The following LRMDA variants were observed in gnomAD, a reference collection of about 807,000 sequenced individuals.
LRMDA encodes leucine rich melanocyte differentiation associated.
Under a neutral mutation model 29.8 loss-of-function variants are expected in LRMDA, and 18 were observed. The observed-to-expected ratio is 0.60, with a 90% CI of 0.42 to 0.90. LRMDA has a LOEUF of 0.90. Among genes scored for constraint, LRMDA ranks in the 40% least tolerant of loss-of-function variants. The pLI is 0.00. For synonymous variants in LRMDA, 125 were observed against 109.4 expected (o/e 1.14, Z -0.89); for missense variants, 273 against 273.9 (o/e 1.00, Z 0.02).
At chr10:76,315,551 C>T (rs949758975) in intron 5 of LRMDA, among the ~76,000 whole-genome samples, 1 of 152,234 alleles carries the variant, frequency 6.6e-6, no homozygotes, top group Non-Finnish European at 1.5e-5. Flanking sequence ...AGCACTCACA[C>T]GCTAGCGCCC....
intron 4 of LRMDA, among the ~76,000 whole-genome samples, chr10:76,049,751 C>CT (rs1199910617): frequency 2.0e-5 from 3 of 151,906 alleles, no homozygotes; most frequent in Non-Finnish European, 4.4e-5. Context: ...ATGCAGCTGC[C>CT]TTTTTTTTCT....
At chr10:75,499,287 C>T (rs572940202) in intron 2 of LRMDA, among the ~76,000 whole-genome samples, 26 of 152,230 alleles carry the variant, frequency 1.7e-4, no homozygotes, top group African/African-American at 5.1e-4. Context: ...TTGCCTAGTC[C>T]GTGGAATTCA....
intron 5 of LRMDA, among the ~76,000 whole-genome samples, chr10:76,091,888 A>G (rs952966565): frequency 2.0e-5 from 3 of 151,986 alleles, no homozygotes; most frequent in African/African-American, 7.3e-5. Context: ...GATGGGGTCT[A>G]TGTTGCCCAA....
intron 5 of LRMDA, among the ~76,000 whole-genome samples, chr10:76,243,762 G>A (rs1327540785): frequency 6.6e-6 from 1 of 152,182 alleles, no homozygotes; most frequent in Non-Finnish European, 1.5e-5. Flanking sequence ...GAGCTGTGGA[G>A]TAAGACAGGC....
At chr10:75,777,774 AGTGGAACACATGTT>A (rs544213858) in intron 2 of LRMDA, among the ~76,000 whole-genome samples, 36 of 152,332 alleles carry the variant, frequency 2.4e-4, no homozygotes, top group South Asian at 1.5e-3. Flanking sequence ...TGGTAGTAAC[AGTGGAACACATGTT>A]GTGGTCATGA....
rs549088154 is a variant in LRMDA, at chr10:75,877,368, C to T, written c.132-158640C>T. On this transcript the variant is annotated intron_variant, in intron 2 of 6. Coordinates refer to ENST00000611255, the MANE Select transcript of LRMDA (RefSeq NM_001305581.2). ...TTAAGCATCCTCCAAAGCATCTTCC[C>T]GAACTGAAATACCAGAGCTGACATA... Among the ~76,000 whole-genome samples the T allele has an allele frequency of 4.6e-5, 7 of 152,316 alleles. No homozygotes were observed. In the East Asian group the frequency reaches 7.7e-4, roughly 17 times the overall value.
chr10:76,094,044 G>C (rs553495477), intron 5 of LRMDA, among the ~76,000 whole-genome samples: 3 of 152,324 alleles, frequency 2.0e-5, no homozygotes, highest in Middle Eastern at 3.4e-3. Context: ...TTCACACACA[G>C]TAGGAAGGTA....
intron 2 of LRMDA, among the ~76,000 whole-genome samples, chr10:75,625,405 G>A (rs1341507284): frequency 6.6e-6 from 1 of 152,154 alleles, no homozygotes; most frequent in East Asian, 1.9e-4. Flanking sequence ...AAGCCCGAGA[G>A]TCCGTTTCTG....
At chr10:76,536,212 G>GA (rs953161309) in intron 6 of LRMDA, among the ~76,000 whole-genome samples, 22 of 152,300 alleles carry the variant, frequency 1.4e-4, no homozygotes, top group African/African-American at 3.4e-4. Flanking sequence ...TCATACCTAA[G>GA]AAAATTAATG....
intron 5 of LRMDA, among the ~76,000 whole-genome samples, chr10:76,264,794 G>A (rs542717715): frequency 2.6e-5 from 4 of 152,214 alleles, no homozygotes; most frequent in Non-Finnish European, 5.9e-5. Context: ...GAAATGGAGA[G>A]AGATAAGAAT....
At chr10:75,831,198 A>G (rs1041216035) in intron 2 of LRMDA, among the ~76,000 whole-genome samples, 12 of 152,266 alleles carry the variant, frequency 7.9e-5, no homozygotes, top group African/African-American at 2.9e-4. Context: ...GGCACCTGCC[A>G]TCACGCCAGG....
At chr10:76,122,477 C>G (rs1344958796) in intron 5 of LRMDA, among the ~76,000 whole-genome samples, 2 of 152,010 alleles carry the variant, frequency 1.3e-5, no homozygotes, top group African/African-American at 2.4e-5. Context: ...AGTCACTTAA[C>G]TTCTTTGTGT....
At chr10:75,805,352 TG>T (rs1378943671) in intron 2 of LRMDA, among the ~76,000 whole-genome samples, 1 of 152,216 alleles carries the variant, frequency 6.6e-6, no homozygotes, top group Admixed American at 6.5e-5. Flanking sequence ...TGTGTGCTGC[TG>T]ATCTAAGATG....
chr10:75,886,873 T>C (rs570651033), intron 2 of LRMDA, among the ~76,000 whole-genome samples: 5 of 152,298 alleles, frequency 3.3e-5, no homozygotes, highest in Admixed American at 3.3e-4. Context: ...TATAAAAGAA[T>C]TGGGACTAAA....
chr10:75,563,916 C>T (rs1172985450), intron 2 of LRMDA, among the ~76,000 whole-genome samples: 6 of 152,088 alleles, frequency 3.9e-5, no homozygotes, highest in Admixed American at 6.5e-5. Context: ...AGTACCCGGC[C>T]GTGTGAGGTG....
intron 2 of LRMDA, among the ~76,000 whole-genome samples, chr10:75,947,312 A>G (rs1469094634): frequency 6.6e-6 from 1 of 152,154 alleles, no homozygotes; most frequent in African/African-American, 2.4e-5. Context: ...GAGTTGGCTC[A>G]GGTGACCGGA....
intron 2 of LRMDA, among the ~76,000 whole-genome samples, chr10:75,692,496 T>C (rs1231851076): frequency 6.6e-6 from 1 of 151,280 alleles, no homozygotes; most frequent in African/African-American, 2.4e-5. Flanking sequence ...TACATATATG[T>C]ATATATGTAT....
intron 2 of LRMDA, among the ~76,000 whole-genome samples, chr10:75,605,489 C>T (rs752741720): frequency 1.3e-5 from 2 of 152,162 alleles, no homozygotes; most frequent in Non-Finnish European, 2.9e-5. Context: ...TCTTCCCCAG[C>T]AGTCGAAGGA....
At chr10:76,007,906 G>A (rs1181307433) in intron 2 of LRMDA, among the ~76,000 whole-genome samples, 5 of 152,122 alleles carry the variant, frequency 3.3e-5, no homozygotes, top group South Asian at 2.1e-4. Context: ...TAATTTATTC[G>A]ATTTTGGGTC....
Sources: gnomAD v4.1 joint callset for allele counts (sites outside exome capture counted in the v4.1 genomes callset) on GRCh38, gnomAD v4.1.1 for gene constraint, MANE v1.5 for transcripts, NCBI Gene and HGNC (gene_info 2026-07-23, HGNC 2026-07-21) for gene names.